Variants in PKP4 observed in about 807,000 individuals in gnomAD.
PKP4 encodes plakophilin 4, also known as plakophilin-4.
A neutral mutation model predicts 145.1 loss-of-function variants in PKP4; 90 were observed. The observed-to-expected ratio is 0.62, with a 90% CI of 0.52 to 0.74. The LOEUF (loss-of-function observed/expected upper bound fraction) is 0.74. PKP4 is among the 30% of genes least tolerant of loss of function. PKP4 has a pLI of 0.00. For missense variants in PKP4, 1,340 were observed against 1,482.7 expected, an observed-to-expected ratio of 0.90 and a Z score of 1.58; for synonymous variants, 563 against 577.2, an observed-to-expected ratio of 0.98 and a Z score of 0.35.
At chr2:158,542,499 G>C (rs552175729) in intron 2 of PKP4, among the ~76,000 whole-genome samples, 1 of 152,176 alleles carries the variant, frequency 6.6e-6, no homozygotes, top group African/African-American at 2.4e-5. Flanking sequence ...CTACAGAACT[G>C]GGCAAATGTG....
intron 1 of PKP4, among the ~76,000 whole-genome samples, chr2:158,476,694 G>A (rs942474621): frequency 6.6e-6 from 1 of 150,614 alleles, no homozygotes; most frequent in Non-Finnish European, 1.5e-5. Flanking sequence ...AAGTTTAGGC[G>A]ATCTCACTTT....
chr2:158,658,066 C>T (rs1462920046), intron 11 of PKP4, 65 bp from the exon 12 acceptor site: 77 of 916,496 alleles, frequency 8.4e-5, no homozygotes, highest in South Asian at 1.2e-4. Context: ...AGAGCTAATA[C>T]GTTTATTTTA....
At chr2:158,599,280 G>A (rs1046228357) in intron 3 of PKP4, among the ~76,000 whole-genome samples, 5 of 152,218 alleles carry the variant, frequency 3.3e-5, no homozygotes, top group Admixed American at 3.3e-4. Flanking sequence ...ATAAAGGCCA[G>A]AACAGTGTCA....
chr2:158,600,719 G>C (rs906769762), intron 3 of PKP4, among the ~76,000 whole-genome samples: 3 of 152,176 alleles, frequency 2.0e-5, no homozygotes, highest in African/African-American at 7.2e-5. Context: ...TTATTTCTCA[G>C]AATTATAGAA....
rs76072486 is a variant in PKP4, at chr2:158,461,592, G to T, written c.-6+4374G>T. On this transcript the variant is annotated intron_variant, in intron 1 of 21. Transcript: ENST00000389759. ...TGGAATAATGCCTGGTGACTGGGTG[G>T]GTGCCAATCCAGGTAGCTAGATATA... is the stretch of plus-strand genomic sequence containing the variant. Among the ~76,000 whole-genome samples, 5 of 152,128 alleles carry T rather than the reference G, an allele frequency of 3.3e-5. No homozygotes were observed. In the East Asian group the frequency reaches 9.7e-4, roughly 29 times the overall value.
rs111536483 is a variant in PKP4 at position 158,472,464 on chromosome 2, T to C, written c.-6+15246T>C. 1.4e-3 allele frequency among the ~76,000 whole-genome samples: 206 copies of C among 151,468 alleles called. 1 individual carries two copies. Among genetic ancestry groups the C allele is most frequent in the African/African-American group, 4.8e-3 (198 of 41,312 alleles). On this transcript the variant is annotated intron_variant, in intron 1 of 21. Transcript: ENST00000389759. ...CTCTACTAAAAAAATACAAAAAAAA[T>C]TGGCCTAGGGCAGTGGCAGGCGCCT... is the stretch of plus-strand genomic sequence containing the variant.
intron 1 of PKP4, among the ~76,000 whole-genome samples, chr2:158,523,619 A>C (rs1210943612): frequency 7.8e-6 from 1 of 128,136 alleles, no homozygotes; most frequent in Non-Finnish European, 1.6e-5. Flanking sequence ...GCAACAGAAC[A>C]AAGCTGGATG....
At chr2:158,479,272 G>A (rs886312102) in intron 1 of PKP4, among the ~76,000 whole-genome samples, 4 of 151,692 alleles carry the variant, frequency 2.6e-5, no homozygotes, top group Non-Finnish European at 5.9e-5. Context: ...CCCTCAGGTT[G>A]GAGTGCAGTG....
At chr2:158,644,134 G>A (rs1210402706) in intron 11 of PKP4, among the ~76,000 whole-genome samples, 1 of 152,178 alleles carries the variant, frequency 6.6e-6, no homozygotes, top group Non-Finnish European at 1.5e-5. Context: ...GGTATGGCAT[G>A]GCCAGTTTAG....
chr2:158,656,381 T>G (rs1056176617), intron 11 of PKP4, among the ~76,000 whole-genome samples: 18 of 152,178 alleles, frequency 1.2e-4, no homozygotes, highest in Non-Finnish European at 1.5e-5. Flanking sequence ...ACCCTAGCTT[T>G]TGTGTACCCC....
At chr2:158,515,968 C>T (rs374214891) in intron 1 of PKP4, among the ~76,000 whole-genome samples, 2 of 151,722 alleles carry the variant, frequency 1.3e-5, no homozygotes, top group East Asian at 1.9e-4. Flanking sequence ...ATCGTGTGAC[C>T]TAGGAGTTCA....
chr2:158,620,576 C>A (rs1244335560), intron 4 of PKP4, among the ~76,000 whole-genome samples: 1 of 152,166 alleles, frequency 6.6e-6, no homozygotes, highest in Non-Finnish European at 1.5e-5. Context: ...GGCTTCATCA[C>A]CAAGCTCAAT....
At chr2:158,501,655 G>T (rs1476047294) in intron 1 of PKP4, among the ~76,000 whole-genome samples, 1 of 134,868 alleles carries the variant, frequency 7.4e-6, no homozygotes, top group Non-Finnish European at 1.7e-5. Context: ...GCCATCTGAT[G>T]TTAAGTGTTT....
At chr2:158,547,019 A>G (rs1267538595) in intron 2 of PKP4, among the ~76,000 whole-genome samples, 1 of 152,202 alleles carries the variant, frequency 6.6e-6, no homozygotes, top group Non-Finnish European at 1.5e-5. Context: ...TCTACCACCT[A>G]TTTTTGTATC....
chr2:158,646,004 A>G (rs2054791618), intron 11 of PKP4, among the ~76,000 whole-genome samples: 1 of 152,194 alleles, frequency 6.6e-6, no homozygotes, highest in African/African-American at 2.4e-5. Flanking sequence ...TTTTATAGAG[A>G]ACATAAGATG....
chr2:158,490,960 G>A (rs763146011), intron 1 of PKP4, among the ~76,000 whole-genome samples: 1 of 152,108 alleles, frequency 6.6e-6, no homozygotes, highest in Admixed American at 6.5e-5. Flanking sequence ...AATGTGTTTA[G>A]TGTTTTTGTT....
chr2:158,538,299 T>C (rs1183769860), intron 2 of PKP4, among the ~76,000 whole-genome samples: 1 of 152,160 alleles, frequency 6.6e-6, no homozygotes, highest in Non-Finnish European at 1.5e-5. Flanking sequence ...TGTAGTTTTA[T>C]AATGATTCCA....
chr2:158,590,312 A>AGTGT (rs57003090), intron 3 of PKP4, among the ~76,000 whole-genome samples: 11,446 of 124,046 alleles, frequency 0.092, 587 homozygotes, highest in East Asian at 0.16. Flanking sequence ...GAATGTCTTG[A>AGTGT]GTGTGTGTGT....
At chr2:158,672,442 C>G (rs1028642228) in intron 17 of PKP4, among the ~76,000 whole-genome samples, 1 of 152,178 alleles carries the variant, frequency 6.6e-6, no homozygotes, top group Admixed American at 6.5e-5. Context: ...CAGTTGTCAT[C>G]CTACCAGGCA....
Sources: allele counts gnomAD v4.1 joint callset (sites outside exome capture counted in the v4.1 genomes callset), GRCh38; gene constraint gnomAD v4.1.1; transcripts MANE v1.5; gene names NCBI Gene and HGNC (gene_info 2026-07-23, HGNC 2026-07-21).